AKT3: variants seen among roughly 807,000 people sequenced by gnomAD.
AKT3 encodes the protein RAC-gamma serine/threonine-protein kinase.
A neutral mutation model predicts 65.3 loss-of-function variants in AKT3; 15 were observed. The observed-to-expected ratio is 0.23, with a 90% confidence interval of 0.15 to 0.35. AKT3 has a LOEUF of 0.35. AKT3 is among the 10% of genes least tolerant of loss of function. The probability of loss-of-function intolerance (pLI) is 1.00; values close to 1 mark genes in which losing one functional copy is unlikely to be tolerated. For missense variants in AKT3, 243 were observed against 576.5 expected, an observed-to-expected ratio of 0.42 and a Z score of 5.92; for synonymous variants, 206 against 183.8, an observed-to-expected ratio of 1.12 and a Z score of -0.98.
chr1:243,498,887 T>G (rs1668754666), downstream of AKT3, among the ~76,000 whole-genome samples: 2 of 152,190 alleles, frequency 1.3e-5, 1 homozygote, highest in South Asian at 4.1e-4. Context: ...GCGTCCCAAT[T>G]TATCTGACGT....
chr1:243,812,476 C>T (rs1055615184), intron 2 of AKT3, among the ~76,000 whole-genome samples: 3 of 152,178 alleles, frequency 2.0e-5, no homozygotes, highest in Non-Finnish European at 4.4e-5. Flanking sequence ...CAATGTGATA[C>T]CATCTCACAC....
intron 10 of AKT3, among the ~76,000 whole-genome samples, chr1:243,560,065 A>C (rs558884822): frequency 1.3e-5 from 2 of 152,158 alleles, no homozygotes; most frequent in East Asian, 3.9e-4. Flanking sequence ...AAACTGTTAC[A>C]TTTCAATCCC....
At chr1:243,611,070 C>T (rs74153924) in intron 8 of AKT3, among the ~76,000 whole-genome samples, 1,523 of 152,146 alleles carry the variant, frequency 0.01, 19 homozygotes, top group African/African-American at 0.035. Flanking sequence ...CAAGTATAAG[C>T]GCATTTTAAA....
intron 11 of AKT3, among the ~76,000 whole-genome samples, chr1:243,548,583 T>A (rs549185659): frequency 9.2e-5 from 14 of 152,260 alleles, no homozygotes; most frequent in Middle Eastern, 3.4e-3. Flanking sequence ...ATTTAAGACT[T>A]CAAAAATAAT....
Position 243,646,056 on chromosome 1 carries a change from T to C in AKT3, c.285-19A>G. 6.4e-7 allele frequency: 1 copy of C among 1,571,214 alleles called. No homozygotes were observed. The highest frequency in any genetic ancestry group is 8.6e-7 in the Non-Finnish European group (1 of 1,163,024). Reference sequence around the variant, plus strand: ...TTCTTCCCTATAAAAATGAGTAAAATTTCCCATTAATAGAAGATGGTAAAT... The same window carrying C: ...TTCTTCCCTATAAAAATGAGTAAAACTTCCCATTAATAGAAGATGGTAAAT... On this transcript the variant is annotated intron_variant, in intron 4 of 13. Transcript: ENST00000673466.
chr1:243,709,028 T>C lies in AKT3; in HGVS notation c.47-13312A>G, dbSNP rs555980387. Among the ~76,000 whole-genome samples, 7 of 152,056 alleles carry C rather than the reference T, an allele frequency of 4.6e-5. No homozygotes were observed. In the East Asian group the frequency reaches 1.2e-3, roughly 25 times the overall value. The stretch of plus-strand genomic sequence containing the variant: ...AGAATCTAAGTCAATCAATGTACAC[T>C]GGGTGTTTTATTCCTTTTGCTATTT... On this transcript the variant is annotated intron_variant, in intron 2 of 13. Transcript: ENST00000673466.
intron 6 of AKT3, among the ~76,000 whole-genome samples, chr1:243,623,897 A>T (rs1355534787): frequency 6.6e-6 from 1 of 152,212 alleles, no homozygotes; most frequent in Non-Finnish European, 1.5e-5. Context: ...TCACCACATC[A>T]TCCATGTGAC....
intron 2 of AKT3, among the ~76,000 whole-genome samples, chr1:243,807,892 C>T (rs1692848085): frequency 6.6e-6 from 1 of 152,208 alleles, no homozygotes; most frequent in Non-Finnish European, 1.5e-5. Context: ...TGCTGTTCTG[C>T]AGCCTCTGCT....
At chr1:243,704,137 G>C (rs1685643643) in intron 2 of AKT3, among the ~76,000 whole-genome samples, 2 of 152,170 alleles carry the variant, frequency 1.3e-5, no homozygotes, top group Non-Finnish European at 2.9e-5. Context: ...TAAGCATTAT[G>C]AACTCCTGCC....
chr1:243,842,078 G>A (rs1695275381), intron 2 of AKT3, among the ~76,000 whole-genome samples: 1 of 152,140 alleles, frequency 6.6e-6, no homozygotes, highest in Admixed American at 6.5e-5. Flanking sequence ...ATCGTTTTCA[G>A]AGTGTTTGTT....
chr1:243,823,117 G>C (rs1693960052), intron 2 of AKT3, among the ~76,000 whole-genome samples: 1 of 152,054 alleles, frequency 6.6e-6, no homozygotes, highest in African/African-American at 2.4e-5. Flanking sequence ...ATGCAATGCT[G>C]GTTCAACATA....
At chr1:243,832,050 G>A (rs573425083) in intron 2 of AKT3, among the ~76,000 whole-genome samples, 2 of 134,250 alleles carry the variant, frequency 1.5e-5, no homozygotes, top group South Asian at 5.0e-4. Flanking sequence ...GGAGGCCGAG[G>A]CATGAGGACT....
intron 4 of AKT3, among the ~76,000 whole-genome samples, chr1:243,647,587 T>C (rs1002963740): frequency 3.9e-5 from 6 of 152,204 alleles, no homozygotes; most frequent in African/African-American, 4.8e-5. Flanking sequence ...AAAAATACAA[T>C]TGATTTTTGT....
intron 3 of AKT3, among the ~76,000 whole-genome samples, chr1:243,665,172 T>C (rs978862557): frequency 6.6e-6 from 1 of 152,214 alleles, no homozygotes; most frequent in African/African-American, 2.4e-5. Context: ...CTATCTGAAA[T>C]ACTTTCCTCA....
At chr1:243,680,761 G>A (rs752163769) in intron 3 of AKT3, among the ~76,000 whole-genome samples, 1 of 152,040 alleles carries the variant, frequency 6.6e-6, no homozygotes, top group Non-Finnish European at 1.5e-5. Flanking sequence ...AAAAAAATCA[G>A]TGTCTCCCCT....
intron 2 of AKT3, among the ~76,000 whole-genome samples, chr1:243,812,621 A>C (rs781162027): frequency 6.6e-6 from 1 of 152,212 alleles, no homozygotes; most frequent in Non-Finnish European, 1.5e-5. Context: ...GCGATTCCTC[A>C]GGGATCTAGA....
chr1:243,697,923 A>C lies in AKT3; in HGVS notation c.47-2207T>G, dbSNP rs572769767. Among the ~76,000 whole-genome samples, 4 of 152,124 alleles carry C rather than the reference A, an allele frequency of 2.6e-5. No homozygotes were observed. The South Asian group carries it at 8.3e-4, about 32-fold the overall frequency. ...ACAAATGAATAAATAGAGGATACGT[A>C]GATCAGTATCCTCCACATAAGTATG... On this transcript the variant is annotated intron_variant, in intron 2 of 13. Transcript: ENST00000673466.
chr1:243,737,651 T>G (rs1410726762), intron 2 of AKT3, among the ~76,000 whole-genome samples: 1 of 152,114 alleles, frequency 6.6e-6, no homozygotes, highest in Non-Finnish European at 1.5e-5. Context: ...AATAAAGCAA[T>G]TCTTGTTTTA....
At chr1:243,732,365 C>A (rs543843329) in intron 2 of AKT3, among the ~76,000 whole-genome samples, 1 of 152,330 alleles carries the variant, frequency 6.6e-6, no homozygotes, top group African/African-American at 2.4e-5. Flanking sequence ...CTTCTCCACT[C>A]CCTTGCTGAG....
Sources: gnomAD v4.1 joint callset for allele counts (sites outside exome capture counted in the v4.1 genomes callset) on GRCh38, gnomAD v4.1.1 for gene constraint, MANE v1.5 for transcripts, NCBI Gene and HGNC (gene_info 2026-07-23, HGNC 2026-07-21) for gene names.